ACOXL: variants seen among roughly 807,000 people sequenced by gnomAD.
The protein encoded by ACOXL is acyl-CoA oxidase like, also known as acyl-coenzyme A oxidase-like protein.
Under a neutral mutation model 71.9 loss-of-function variants are expected in ACOXL, and 70 were observed. The ratio of observed to expected loss-of-function variants is 0.97; its 90% CI spans 0.80 to 1.19. ACOXL has a LOEUF of 1.19. ACOXL is among the 50% of genes most tolerant of loss of function. The probability of loss-of-function intolerance (pLI) is 0.00; values close to 1 mark genes in which losing one functional copy is unlikely to be tolerated. For synonymous variants in ACOXL, 253 were observed against 281.6 expected (o/e 0.90, Z 1.02); for missense variants, 703 against 736.3 (o/e 0.95, Z 0.52).
intron 14 of ACOXL, among the ~76,000 whole-genome samples, chr2:111,026,547 A>C (rs2065025008): frequency 6.6e-6 from 1 of 150,576 alleles, no homozygotes; most frequent in Non-Finnish European, 1.5e-5. Context: ...ATATTTTATA[A>C]AATGTATCCT....
At chr2:110,951,080 C>CA (rs2061318008) in intron 12 of ACOXL, among the ~76,000 whole-genome samples, 2 of 152,138 alleles carry the variant, frequency 1.3e-5, no homozygotes, top group Admixed American at 1.3e-4. Flanking sequence ...TCAGTTGAGT[C>CA]AGAGTCCTCT....
At chr2:110,933,049 G>C (rs553184870) in intron 11 of ACOXL, among the ~76,000 whole-genome samples, 5 of 152,208 alleles carry the variant, frequency 3.3e-5, no homozygotes, top group African/African-American at 1.2e-4. Context: ...TTTTTCTTTT[G>C]ACCTATTTCT....
At chr2:110,789,378 A>G (rs528144033) in intron 3 of ACOXL, among the ~76,000 whole-genome samples, 25 of 152,224 alleles carry the variant, frequency 1.6e-4, no homozygotes, top group African/African-American at 5.8e-4. Flanking sequence ...CCATCCTATT[A>G]TCTGTCTTAG....
At chr2:111,087,295 A>C (rs2068262678) in intron 16 of ACOXL, among the ~76,000 whole-genome samples, 1 of 152,230 alleles carries the variant, frequency 6.6e-6, no homozygotes, top group African/African-American at 2.4e-5. Flanking sequence ...AGAAGTAGGG[A>C]AAGCTGTTTT....
chr2:110,901,108 A>C (rs1248644511), intron 10 of ACOXL, among the ~76,000 whole-genome samples: 1 of 152,244 alleles, frequency 6.6e-6, no homozygotes, highest in Non-Finnish European at 1.5e-5. Context: ...CTCCAGCAGC[A>C]GAGTGTCAGC....
chr2:111,093,483 G>T (rs767047060), intron 17 of ACOXL: 1 of 1,614,048 alleles, frequency 6.2e-7, no homozygotes, highest in Admixed American at 1.7e-5. Context: ...CATCCTTTCT[G>T]CAGGAGAGAT....
intron 10 of ACOXL, among the ~76,000 whole-genome samples, chr2:110,888,736 G>A (rs983441718): frequency 3.2e-4 from 49 of 152,190 alleles, no homozygotes; most frequent in African/African-American, 1.2e-3. Context: ...TCATGGCTAC[G>A]CCTGGAGGAC....
chr2:111,075,035 G>T (rs1365997783), intron 16 of ACOXL, among the ~76,000 whole-genome samples: 1 of 152,096 alleles, frequency 6.6e-6, no homozygotes, highest in East Asian at 1.9e-4. Context: ...AGAAATCTTG[G>T]TCTGTAGGTT....
chr2:111,082,015 TAACTC>T (rs1481253527), intron 16 of ACOXL, among the ~76,000 whole-genome samples: 2 of 152,122 alleles, frequency 1.3e-5, no homozygotes, highest in East Asian at 3.9e-4. Context: ...ATACAAAAAT[TAACTC>T]AAGATGGATT....
intron 17 of ACOXL, among the ~76,000 whole-genome samples, chr2:111,104,829 G>A (rs2150062289): frequency 6.6e-6 from 1 of 152,174 alleles, no homozygotes; most frequent in East Asian, 1.9e-4. Context: ...ATTTAATAAA[G>A]TCTAATTTAT....
At chr2:110,983,806 A>G (rs1251089600) in intron 12 of ACOXL, among the ~76,000 whole-genome samples, 1 of 152,118 alleles carries the variant, frequency 6.6e-6, no homozygotes, top group Non-Finnish European at 1.5e-5. Flanking sequence ...AATTTTTTTG[A>G]ATTTCTTAGT....
chr2:110,886,594 G>A (rs1426239337), intron 10 of ACOXL, among the ~76,000 whole-genome samples: 2 of 151,988 alleles, frequency 1.3e-5, no homozygotes, highest in African/African-American at 4.8e-5. Context: ...GGCCAGGCTG[G>A]TCTTGAATTC....
rs186416800 is a variant in ACOXL at position 110,938,613 on chromosome 2, A to G, written c.1059+4971A>G. 3.6e-3 allele frequency among the ~76,000 whole-genome samples: 544 copies of G among 152,362 alleles called. 2 individuals carry two copies. The highest frequency in any genetic ancestry group is 6.4e-3 in the Non-Finnish European group (436 of 68,034). The stretch of plus-strand genomic sequence containing the variant: ...CTGTTGTGTGGAATATTCAGGAGAT[A>G]GCTGTGGACTGAGTGATGACCAGCT... On this transcript the variant is annotated intron_variant, in intron 12 of 17. Coordinates refer to ENST00000439055, the MANE Select transcript of ACOXL (RefSeq NM_001142807.4).
intron 9 of ACOXL, among the ~76,000 whole-genome samples, chr2:110,818,563 G>GTATATATATGTATGTA (rs1688241941): frequency 1.3e-5 from 2 of 150,864 alleles, no homozygotes; most frequent in Non-Finnish European, 2.9e-5. Context: ...ATATGTATGT[G>GTATATATATGTATGTA]TATATATATG....
At chr2:110,764,396 A>C (rs1680779606) in intron 1 of ACOXL, among the ~76,000 whole-genome samples, 1 of 152,218 alleles carries the variant, frequency 6.6e-6, no homozygotes, top group Non-Finnish European at 1.5e-5. Flanking sequence ...ACTAAGTGAA[A>C]GAAGACAATT....
intron 11 of ACOXL, among the ~76,000 whole-genome samples, chr2:110,925,032 A>G (rs935400338): frequency 6.6e-6 from 1 of 152,176 alleles, no homozygotes; most frequent in Non-Finnish European, 1.5e-5. Context: ...GACCAGGTGC[A>G]TTGTCAATGA....
chr2:111,077,371 C>T lies in ACOXL; in HGVS notation c.1441-15494C>T, dbSNP rs930006326. On this transcript the variant is annotated intron_variant, in intron 16 of 17. Coordinates refer to ENST00000439055, the MANE Select transcript of ACOXL (RefSeq NM_001142807.4). ...TCTCCCCTCTTTCTGTCATATGCATCTTATCAGTACACCTACATACCCTGG... is the reference window on the plus strand; with the variant it reads ...TCTCCCCTCTTTCTGTCATATGCATTTTATCAGTACACCTACATACCCTGG... Among the ~76,000 whole-genome samples the T allele has an allele frequency of 3.9e-5, 6 of 152,164 alleles. No homozygotes were observed. The South Asian group carries it at 1.2e-3, about 32-fold the overall frequency.
In ACOXL at chr2:110,976,620, C is replaced by A. The variant is rs181837481; in HGVS notation, c.1060-10488C>A. Among the ~76,000 whole-genome samples, 5 of 152,248 alleles carry A rather than the reference C, an allele frequency of 3.3e-5. No individual in the cohort carries two copies. In the East Asian group the frequency reaches 9.7e-4, roughly 29 times the overall value. On this transcript the variant is annotated intron_variant, in intron 12 of 17. Coordinates refer to ENST00000439055, the MANE Select transcript of ACOXL (RefSeq NM_001142807.4). The stretch of plus-strand genomic sequence containing the variant: ...AGACATGGATGCTTTTGGGAGCTAA[C>A]CCAAGTGGAGTATGTGTGAAGAAAT...
At chr2:110,986,732 C>CT (rs2062951036) in intron 12 of ACOXL, among the ~76,000 whole-genome samples, 1 of 152,182 alleles carries the variant, frequency 6.6e-6, no homozygotes, top group Admixed American at 6.5e-5. Context: ...CCCCAAAGGT[C>CT]TAATTGACCA....
Sources: allele counts gnomAD v4.1 joint callset (sites outside exome capture counted in the v4.1 genomes callset), GRCh38; gene constraint gnomAD v4.1.1; transcripts MANE v1.5; gene names NCBI Gene and HGNC (gene_info 2026-07-23, HGNC 2026-07-21).